MAML2: variants seen among roughly 807,000 people sequenced by gnomAD.
The protein encoded by MAML2 is mastermind-like protein 2.
A neutral mutation model predicts 96.1 loss-of-function variants in MAML2; 22 were observed. The ratio of observed to expected loss-of-function variants is 0.23; its 90% confidence interval spans 0.16 to 0.33. The LOEUF (loss-of-function observed/expected upper bound fraction) is 0.33. Among genes scored for constraint, MAML2 ranks in the 10% least tolerant of loss-of-function variants. The probability of loss-of-function intolerance (pLI) is 1.00; values close to 1 mark genes in which losing one functional copy is unlikely to be tolerated. For missense variants in MAML2, 1,367 were observed against 1,392.4 expected (o/e 0.98, Z 0.29); for synonymous variants, 561 against 521.3 (o/e 1.08, Z -1.04).
chr11:96,286,680 T>C (rs1863145441), intron 1 of MAML2, among the ~76,000 whole-genome samples: 1 of 151,984 alleles, frequency 6.6e-6, no homozygotes, highest in East Asian at 1.9e-4. Context: ...AATTAATGTT[T>C]GTTGAATAAA....
intron 2 of MAML2, among the ~76,000 whole-genome samples, chr11:96,024,045 T>A (rs1459555182): frequency 6.6e-6 from 1 of 152,196 alleles, no homozygotes; most frequent in Non-Finnish European, 1.5e-5. Context: ...AAAGTCCAGA[T>A]ATCAAAGACA....
rs146116085 is a variant in MAML2 at position 95,978,585 on chromosome 11, T to C, written c.*363A>G. ...TTGGAACTAGTACCTCCTCATGACA[T>C]GGGGTTTAAATAAACTACAAGTTCT... On this transcript the variant is annotated 3_prime_UTR_variant, in exon 5 of 5. Transcript: ENST00000524717. 3.0e-3 allele frequency: 757 copies of C among 255,746 alleles called. 2 individuals carry two copies. Among genetic ancestry groups the C allele is most frequent in the Non-Finnish European group, 4.1e-3 (548 of 133,722 alleles). The allele number at this position is 255,746 out of a possible 1,614,324, so 15.8% of individuals were successfully genotyped here. A position where few individuals can be genotyped will look rare whatever the true frequency, so the allele number is the denominator to read the frequency against.
At chr11:96,303,547 G>T (rs1479363087) in intron 1 of MAML2, among the ~76,000 whole-genome samples, 1 of 152,076 alleles carries the variant, frequency 6.6e-6, no homozygotes, top group Non-Finnish European at 1.5e-5. Flanking sequence ...TCCCAGTGTG[G>T]CCCATATAAA....
chr11:96,178,940 T>G (rs1283544284), intron 1 of MAML2, among the ~76,000 whole-genome samples: 1 of 152,152 alleles, frequency 6.6e-6, no homozygotes, highest in African/African-American at 2.4e-5. Context: ...GAAAAAGGAA[T>G]CCAATTTTAA....
chr11:96,124,168 T>G (rs11021443), intron 1 of MAML2, among the ~76,000 whole-genome samples: 16,790 of 151,526 alleles, frequency 0.11, 1,008 homozygotes, highest in Middle Eastern at 0.22. Flanking sequence ...CACAGTTCTG[T>G]GGCCCACTGA....
chr11:96,108,575 G>A lies in MAML2; in HGVS notation c.514-15058C>T, dbSNP rs558593951. On this transcript the variant is annotated intron_variant, in intron 1 of 4. Transcript: ENST00000524717. Reference sequence around the variant, plus strand: ...ATAATCATTATCCTTATAGGGCTGCGGTAATATAAAGATTAAATAAATACA... The same window carrying A: ...ATAATCATTATCCTTATAGGGCTGCAGTAATATAAAGATTAAATAAATACA... Among the ~76,000 whole-genome samples, 108 of 152,156 alleles carry A rather than the reference G, an allele frequency of 7.1e-4. 1 individual carries two copies. Among genetic ancestry groups the A allele is most frequent in the Non-Finnish European group, 1.2e-3 (83 of 68,002 alleles).
At chr11:96,003,138 G>A (rs1858123916) in intron 2 of MAML2, among the ~76,000 whole-genome samples, 1 of 143,500 alleles carries the variant, frequency 7.0e-6, no homozygotes, top group Admixed American at 7.0e-5. Flanking sequence ...GGGATGAGGA[G>A]GATGATGGGG....
chr11:96,171,224 C>T (rs1280673147), intron 1 of MAML2, among the ~76,000 whole-genome samples: 1 of 152,062 alleles, frequency 6.6e-6, no homozygotes, highest in Non-Finnish European at 1.5e-5. Context: ...TGTATGTGAG[C>T]TGAGAAGAAT....
intron 2 of MAML2, among the ~76,000 whole-genome samples, chr11:96,071,506 C>T (rs1859344404): frequency 6.6e-6 from 1 of 152,172 alleles, no homozygotes; most frequent in Admixed American, 6.5e-5. Context: ...AGCAGTTGCT[C>T]CTATTTAGGA....
At chr11:96,170,671 T>C (rs1861276479) in intron 1 of MAML2, among the ~76,000 whole-genome samples, 1 of 152,164 alleles carries the variant, frequency 6.6e-6, no homozygotes, top group Non-Finnish European at 1.5e-5. Context: ...GGCTGGAAGC[T>C]GTGGAGAGAA....
intron 1 of MAML2, among the ~76,000 whole-genome samples, chr11:96,100,134 G>A (rs546397315): frequency 7.6e-4 from 115 of 152,274 alleles, no homozygotes; most frequent in Middle Eastern, 3.4e-3. Context: ...GCCCCATCTG[G>A]ACTCCATGCC....
intron 1 of MAML2, among the ~76,000 whole-genome samples, chr11:96,139,434 A>T (rs1401985088): frequency 6.8e-6 from 1 of 147,880 alleles, no homozygotes; most frequent in Non-Finnish European, 1.5e-5. Context: ...CTGAGATCCC[A>T]CCACTGCACT....
chr11:96,265,624 G>A (rs190637043), intron 1 of MAML2, among the ~76,000 whole-genome samples: 194 of 152,230 alleles, frequency 1.3e-3, no homozygotes, highest in Non-Finnish European at 2.0e-3. Context: ...ATAAAAACCC[G>A]AGACCCTAGC....
intron 2 of MAML2, among the ~76,000 whole-genome samples, chr11:96,048,848 G>T (rs1329504284): frequency 6.6e-6 from 1 of 152,092 alleles, no homozygotes; most frequent in Admixed American, 6.5e-5. Flanking sequence ...TTAGAATTTT[G>T]CTTGCCAATT....
intron 1 of MAML2, among the ~76,000 whole-genome samples, chr11:96,294,951 T>G (rs1021668432): frequency 2.0e-5 from 3 of 152,210 alleles, no homozygotes; most frequent in African/African-American, 7.2e-5. Flanking sequence ...GTAAGGTATT[T>G]GAATACAAAT....
At chr11:96,104,592 C>T (rs191920225) in intron 1 of MAML2, among the ~76,000 whole-genome samples, 2 of 152,264 alleles carry the variant, frequency 1.3e-5, no homozygotes, top group African/African-American at 4.8e-5. Flanking sequence ...CAAGCTGACC[C>T]TTTTAAATGC....
intron 1 of MAML2, among the ~76,000 whole-genome samples, chr11:96,235,667 G>A (rs77311322): frequency 0.016 from 2,382 of 152,300 alleles, 62 homozygotes; most frequent in East Asian, 0.048. Context: ...TAAGGGGATT[G>A]AGACCTCTCA....
intron 1 of MAML2, among the ~76,000 whole-genome samples, chr11:96,274,077 C>CTTTTTTTTTTTTTTTTTTTTTTTTTTTT (rs992096555): frequency 1.1e-5 from 1 of 91,792 alleles, no homozygotes; most frequent in Non-Finnish European, 2.1e-5. Flanking sequence ...TTTCCTTTTC[C>CTTTTTTTTTTTTTTTTTTTTTTTTTTTT]TTTTTTTTTT....
chr11:96,173,018 C>T (rs879774874), intron 1 of MAML2, among the ~76,000 whole-genome samples: 3 of 152,220 alleles, frequency 2.0e-5, no homozygotes, highest in Non-Finnish European at 4.4e-5. Context: ...TTCCTAATAT[C>T]GTTCTCCTCC....
Sources: allele counts gnomAD v4.1 joint callset (sites outside exome capture counted in the v4.1 genomes callset), GRCh38; gene constraint gnomAD v4.1.1; transcripts MANE v1.5; gene names NCBI Gene and HGNC (gene_info 2026-07-23, HGNC 2026-07-21).